Variants in LMAN1L observed in about 807,000 individuals in gnomAD.
LMAN1L encodes the protein lectin, mannose binding 1 like.
Under a neutral mutation model 58.3 loss-of-function variants are expected in LMAN1L, and 60 were observed. The ratio of observed to expected loss-of-function variants is 1.03; its 90% CI spans 0.84 to 1.27. The LOEUF is 1.27. LMAN1L is among the 50% of genes most tolerant of loss of function. The pLI is 0.00. For synonymous variants in LMAN1L, 280 were observed against 271.6 expected (o/e 1.03, Z -0.31); for missense variants, 629 against 674.0 (o/e 0.93, Z 0.74).
At chr15:74,813,908 C>G (rs1266086210) in intron 1 of LMAN1L, among the ~76,000 whole-genome samples, 1 of 150,554 alleles carries the variant, frequency 6.6e-6, no homozygotes, top group Non-Finnish European at 1.5e-5. Flanking sequence ...GGATGAATCA[C>G]GAGGTCAAGA....
chr15:74,813,332 C>T (rs771194849), intron 1 of LMAN1L: 74 of 528,114 alleles, frequency 1.4e-4, no homozygotes, highest in African/African-American at 1.9e-5. Flanking sequence ...CCTGTGAACA[C>T]ACAGACACAT....
Position 74,821,142 on chromosome 15 carries a change from T to C in LMAN1L, c.975T>C (p.Gly325=). 6.4e-7 allele frequency: 1 copy of C among 1,557,748 alleles called. No individual in the cohort carries two copies. The highest frequency in any genetic ancestry group is 1.4e-5 in the African/African-American group (1 of 73,576). ...GCCGGATCCTGCAGGCTCTGCGGGGTCTCTCCAAGCAGCTGGCCCAGGCTG... is the reference window on the plus strand; with the variant it reads ...GCCGGATCCTGCAGGCTCTGCGGGGCCTCTCCAAGCAGCTGGCCCAGGCTG... ...RHRRILQALR[G]LSKQLAQAER... The change falls in exon 9 of 14, where the codon GGT becomes GGC. Residue 325 remains glycine (G), a synonymous_variant. Transcript: ENST00000309664.
intron 10 of LMAN1L, among the ~76,000 whole-genome samples, 183 bp downstream of exon 10, chr15:74,822,083 G>A (rs1242955931): frequency 6.6e-6 from 1 of 152,172 alleles, no homozygotes; most frequent in Non-Finnish European, 1.5e-5. Context: ...AGCACTTTGG[G>A]AGGCCAAGGC....
In LMAN1L at chr15:74,823,651, G is replaced by T. The variant is rs1362866537; in HGVS notation, c.1292G>T (p.Gly431Val). 1 of 1,613,782 alleles carries T rather than the reference G, an allele frequency of 6.2e-7. No homozygotes were observed. The highest frequency in any genetic ancestry group is 1.7e-5 in the Admixed American group (1 of 59,994). ...HHFLELDHIL[G>V]LLQEELRGPA... The stretch of plus-strand genomic sequence containing the variant: ...TTCTTAGAGCTGGACCACATCCTGG[G>T]CCTCCTGCAGGAGGAGCTTCGGGGC... The change falls in exon 12 of 14, where the codon GGC becomes GTC. Residue 431 changes from glycine to valine, a missense_variant. Gly to Val is a moderately radical substitution (Grantham distance 109). This residue lies in a region of LMAN1L where 573 missense variants were observed against 597.3 expected (regional missense o/e 0.96). Coordinates refer to ENST00000309664, the MANE Select transcript of LMAN1L (RefSeq NM_021819.3).
intron 12 of LMAN1L, 144 bp from the exon 13 acceptor site, chr15:74,824,207 C>T: frequency 1.4e-5 from 10 of 737,988 alleles, no homozygotes; most frequent in South Asian, 6.8e-5. Context: ...TTGTACACTG[C>T]CCCCTCTCCA....
intron 13 of LMAN1L, 123 bp downstream of exon 13, chr15:74,824,601 C>A: frequency 8.6e-7 from 1 of 1,161,740 alleles, no homozygotes; most frequent in Non-Finnish European, 1.3e-6. Context: ...CCCCAAATCA[C>A]AAAGAGCACA....
chr15:74,813,217 A>C (rs1596376991), intron 1 of LMAN1L, 188 bp downstream of exon 1: 1 of 667,780 alleles, frequency 1.5e-6, no homozygotes. Context: ...AACACCCCCC[A>C]CCCCTGCCCA....
intron 4 of LMAN1L, among the ~76,000 whole-genome samples, chr15:74,818,304 C>T (rs559674628): frequency 2.5e-4 from 38 of 152,272 alleles, no homozygotes; most frequent in Admixed American, 2.0e-3. Context: ...GCTCGCCCAG[C>T]GGAAAGGGAG....
At chr15:74,813,083 G>A (rs2063873004) in intron 1 of LMAN1L, 54 bp downstream of exon 1, 7 of 1,560,354 alleles carry the variant, frequency 4.5e-6, no homozygotes, top group Non-Finnish European at 5.2e-6. Context: ...AAGTGCTGGA[G>A]GGGCTGTGAC....
chr15:74,823,655 C>T lies in LMAN1L; in HGVS notation c.1296C>T (p.Leu432=), dbSNP rs754305262. Residue 432 remains leucine, a synonymous_variant, in exon 12 of 14, where the codon CTC becomes CTT. Coordinates refer to ENST00000309664, the MANE Select transcript of LMAN1L (RefSeq NM_021819.3). ...TAGAGCTGGACCACATCCTGGGCCTCCTGCAGGAGGAGCTTCGGGGCCCGG... is the reference window on the plus strand; with the variant it reads ...TAGAGCTGGACCACATCCTGGGCCTTCTGCAGGAGGAGCTTCGGGGCCCGG... ...HFLELDHILG[L]LQEELRGPAK... 2 of 1,613,768 alleles carry T rather than the reference C, an allele frequency of 1.2e-6. No homozygotes were observed. Among genetic ancestry groups the T allele is most frequent in the South Asian group, 2.2e-5 (2 of 91,072 alleles).
intron 11 of LMAN1L, 50 bp downstream of exon 11, chr15:74,822,759 G>T (rs1326044631): frequency 2.2e-6 from 3 of 1,366,354 alleles, no homozygotes; most frequent in Middle Eastern, 1.8e-4. Context: ...TCCGCCTTAA[G>T]TTCCTCCATT....
chr15:74,824,574 G>T, intron 13 of LMAN1L, 96 bp downstream of exon 13: 1 of 1,412,442 alleles, frequency 7.1e-7, no homozygotes, highest in Non-Finnish European at 9.9e-7. Context: ...CTTCAGCTCA[G>T]AGGGGACCTG....
At chr15:74,819,850 T>A in intron 6 of LMAN1L, 194 bp from the exon 7 acceptor site, 1 of 639,918 alleles carries the variant, frequency 1.6e-6, no homozygotes, top group South Asian at 1.8e-5. Context: ...AGTGTGAGGT[T>A]CAACCCTCAC....
intron 8 of LMAN1L, 146 bp downstream of exon 8, chr15:74,820,913 C>T: frequency 7.4e-7 from 1 of 1,343,224 alleles, no homozygotes; most frequent in Non-Finnish European, 1.0e-6. Flanking sequence ...GTGTTCTGTG[C>T]TATCCCCACC....
chr15:74,821,290 G>A, intron 9 of LMAN1L, 64 bp downstream of exon 9: 1 of 1,512,440 alleles, frequency 6.6e-7, no homozygotes, highest in South Asian at 1.2e-5. Context: ...AAGCACTGTA[G>A]TCAGCAACTA....
Position 74,823,579 on chromosome 15 carries a change from C to T in LMAN1L, c.1220C>T (p.Ala407Val), listed in dbSNP as rs76257534. Residue 407 changes from alanine (A) to valine (V), a missense_variant, in exon 12 of 14, where the codon GCT becomes GTT. Physicochemically the swap from Ala to Val is moderately conservative, Grantham distance 64. This residue lies in a region of LMAN1L where 573 missense variants were observed against 597.3 expected (regional missense o/e 0.96). Transcript: ENST00000309664. The part of the protein sequence containing the change: ...QEMRDAAVRM[A>V]AEAQVSYLPV... ...GTTAGGGATGCAGCTGTCCGCATGG[C>T]TGCAGAAGCCCAGGTCTCCTACCTG... 2,105 of 1,613,918 alleles carry T rather than the reference C, an allele frequency of 1.3e-3. 20 individuals are homozygous for T. In the African/African-American group the frequency reaches 0.024, roughly 19 times the overall value.
In LMAN1L at chr15:74,820,711, G is replaced by C; in HGVS notation, c.851G>C (p.Gly284Ala). The C allele has an allele frequency of 1.2e-6, 2 of 1,613,910 alleles. No homozygotes were observed. Among genetic ancestry groups the C allele is most frequent in the Admixed American group, 3.3e-5 (2 of 60,014 alleles). The change falls in exon 8 of 14, where the codon GGC (glycine) becomes GCC (alanine). Residue 284 changes from glycine to alanine, a missense_variant. Gly to Ala is a moderately conservative substitution (Grantham distance 60, BLOSUM62 0). Coordinates refer to ENST00000309664, the MANE Select transcript of LMAN1L (RefSeq NM_021819.3). The stretch of plus-strand genomic sequence containing the variant: ...CTGGAAGGGCTGTGGGCAAGGCTGG[G>C]CTTGGGCACCAGGGAGGATGTAACT... ...RQLEGLWARLGLGTREDVTPK... is the reference protein window; with the variant it reads ...RQLEGLWARLALGTREDVTPK...
In LMAN1L at chr15:74,820,618, C is replaced by T. The variant is rs200659973; in HGVS notation, c.775-17C>T. 5,358 of 1,613,162 alleles carry T rather than the reference C, an allele frequency of 3.3e-3. 18 individuals are homozygous for T. Among genetic ancestry groups the T allele is most frequent in the Non-Finnish European group, 3.8e-3 (4,465 of 1,179,952 alleles). ...TCCCATGGGTTTGGGGCCCGACTTTCTGTCTTCCTCCCCTAGGTTCCCCCT... is the reference window on the plus strand; with the variant it reads ...TCCCATGGGTTTGGGGCCCGACTTTTTGTCTTCCTCCCCTAGGTTCCCCCT... On this transcript the variant is annotated splice_polypyrimidine_tract_variant and intron_variant, in intron 7 of 13. Coordinates refer to ENST00000309664, the MANE Select transcript of LMAN1L (RefSeq NM_021819.3).
chr15:74,816,563 C>T lies in LMAN1L; in HGVS notation c.438+29C>T, dbSNP rs552522947. 18 of 1,580,258 alleles carry T rather than the reference C, an allele frequency of 1.1e-5. No homozygotes were observed. The East Asian group carries it at 1.3e-4, about 12-fold the overall frequency. On this transcript the variant is annotated intron_variant, in intron 3 of 13. Coordinates refer to ENST00000309664, the MANE Select transcript of LMAN1L (RefSeq NM_021819.3). The stretch of plus-strand genomic sequence containing the variant: ...CGTAGTGGTCTCCTGCCTGCCAGCC[C>T]GCCTGCCCGCTCACACCCTCCCCCT...
Sources: allele counts gnomAD v4.1 joint callset (sites outside exome capture counted in the v4.1 genomes callset), GRCh38; gene constraint gnomAD v4.1.1; regional missense constraint gnomAD v4.1.1; transcripts MANE v1.5; gene names NCBI Gene and HGNC (gene_info 2026-07-23, HGNC 2026-07-21).